Variants in CLPB observed in about 807,000 individuals in gnomAD.
CLPB encodes mitochondrial disaggregase.
CLPB carries 40 observed loss-of-function variants against 78.4 expected under a neutral mutation model. That is an observed-to-expected ratio of 0.51 (90% CI 0.40 to 0.66). The LOEUF (loss-of-function observed/expected upper bound fraction) is 0.66, where lower values mean the gene tolerates loss of function less well. CLPB is among the 30% of genes least tolerant of loss of function. The pLI, the probability that CLPB is intolerant of heterozygous loss-of-function variation, is 0.00. For missense variants in CLPB, 780 were observed against 886.9 expected, an observed-to-expected ratio of 0.88 and a Z score of 1.53; for synonymous variants, 333 against 348.0, an observed-to-expected ratio of 0.96 and a Z score of 0.48.
chr11:72,345,033 C>G (rs961467225), intron 5 of CLPB, among the ~76,000 whole-genome samples: 8 of 152,218 alleles, frequency 5.3e-5, no homozygotes, highest in African/African-American at 1.9e-4. Context: ...ACAATACACT[C>G]TGTTGGAGAG....
At chr11:72,384,893 T>C (rs1441919092) in intron 3 of CLPB, among the ~76,000 whole-genome samples, 1 of 152,092 alleles carries the variant, frequency 6.6e-6, no homozygotes, top group East Asian at 1.9e-4. Context: ...CCTAGATATA[T>C]AAAGCAACTA....
At chr11:72,323,543 G>A (rs1169454165) in intron 6 of CLPB, among the ~76,000 whole-genome samples, 1 of 148,070 alleles carries the variant, frequency 6.8e-6, no homozygotes. Context: ...CTCCAGCCTG[G>A]TGACAGAGCG....
rs526344 is a variant in CLPB, at chr11:72,292,723, C to A, written c.*644G>T. ...ACACTGGCCTAGTCCCCAAGGCTGA[C>A]GAAACATGGTCTGGCCTGACCCCAG... On this transcript the variant is annotated 3_prime_UTR_variant, in exon 16 of 16. Transcript: ENST00000538039. 0.59 allele frequency: 90,453 copies of A among 152,302 alleles called. 27,807 individuals carry two copies. The highest frequency in any genetic ancestry group is 0.77 in the African/African-American group (31,856 of 41,490). 9.4% of individuals were successfully genotyped at this position (152,302 alleles called of 1,614,324 possible).
intron 2 of CLPB, among the ~76,000 whole-genome samples, chr11:72,421,213 T>C (rs969109944): frequency 2.0e-5 from 3 of 152,200 alleles, no homozygotes; most frequent in African/African-American, 7.2e-5. Context: ...CTGGTATCCA[T>C]GGCAGGTGGG....
At position 72,434,508 on chromosome 11, in the gene CLPB, G is replaced by A. The variant is rs185663318; in HGVS notation, c.-34C>T. The A allele has an allele frequency of 3.0e-3, 4,594 of 1,516,106 alleles. 11 individuals are homozygous for A. Among genetic ancestry groups the A allele is most frequent in the Non-Finnish European group, 3.6e-3 (4,081 of 1,132,048 alleles). 93.9% of individuals were successfully genotyped at this position (1,516,106 alleles called of 1,614,324 possible). A position where few individuals can be genotyped will look rare whatever the true frequency, so the allele number is the denominator to read the frequency against. On this transcript the variant is annotated 5_prime_UTR_variant, in exon 1 of 16. Transcript: ENST00000538039. ...CTGCTTCGATAACCCCGTGGTGCCG[G>A]CCCCTGTGCTGACCACGTCCAACAT...
chr11:72,322,745 T>C (rs1303961932), intron 6 of CLPB, among the ~76,000 whole-genome samples: 1 of 152,126 alleles, frequency 6.6e-6, no homozygotes, highest in East Asian at 1.9e-4. Flanking sequence ...GGCTGCCAGG[T>C]TTCTTCACTA....
chr11:72,406,650 T>C (rs1855718119), intron 2 of CLPB, among the ~76,000 whole-genome samples: 1 of 152,216 alleles, frequency 6.6e-6, no homozygotes, highest in African/African-American at 2.4e-5. Context: ...GGTTGGCTAA[T>C]ACCCAGGGAT....
intron 2 of CLPB, among the ~76,000 whole-genome samples, chr11:72,422,895 A>G (rs1431050175): frequency 6.6e-6 from 1 of 152,242 alleles, no homozygotes; most frequent in Non-Finnish European, 1.5e-5. Context: ...ATCCTGGCAC[A>G]TGGACAGCAA....
Position 72,380,359 on chromosome 11 carries a change from C to T in CLPB, c.568G>A (p.Gly190Arg), listed in dbSNP as rs777520762. 1 of 1,614,146 alleles carries T rather than the reference C, an allele frequency of 6.2e-7. No individual in the cohort carries two copies. Among genetic ancestry groups the T allele is most frequent in the African/African-American group, 1.3e-5 (1 of 75,036 alleles). Residue 190 changes from glycine (G) to arginine (R), a missense_variant, in exon 4 of 16, where the codon GGG becomes AGG. Coordinates refer to ENST00000538039, the MANE Select transcript of CLPB (RefSeq NM_001258392.3). ...NSVVQVLLAAGADPNLGDDFS... is the reference protein window; with the variant it reads ...NSVVQVLLAARADPNLGDDFS... ...TCATCTCCAAGGTTTGGATCAGCCC[C>T]AGCAGCAAGCAGGACCTGTACCACA...
chr11:72,433,125 C>A (rs1856594965), intron 1 of CLPB, among the ~76,000 whole-genome samples: 1 of 152,140 alleles, frequency 6.6e-6, no homozygotes. Flanking sequence ...TGCCAACTAT[C>A]CCACATGGCA....
chr11:72,402,956 G>A lies in CLPB; in HGVS notation c.542+10C>T. Reference sequence around the variant, plus strand: ...CCTAAAGGAGCCCTGTGTGGAAGGTGGTCTCTCACCTGTTGTTTCGGTTGA... The same window carrying A: ...CCTAAAGGAGCCCTGTGTGGAAGGTAGTCTCTCACCTGTTGTTTCGGTTGA... On this transcript the variant is annotated intron_variant, in intron 3 of 15. Transcript: ENST00000538039. 1 of 1,612,690 alleles carries A rather than the reference G, an allele frequency of 6.2e-7. No individual in the cohort carries two copies. Among genetic ancestry groups the A allele is most frequent in the Non-Finnish European group, 8.5e-7 (1 of 1,178,856 alleles).
rs575438663 is a variant in CLPB at position 72,383,509 on chromosome 11, C to T, written c.543-3125G>A. On this transcript the variant is annotated intron_variant, in intron 3 of 15. Coordinates refer to ENST00000538039, the MANE Select transcript of CLPB (RefSeq NM_001258392.3). ...TCGCACCACTGCATTCCAGCCTGGG[C>T]GACAGAGCAAGACTCTGTCTCAAAA... Among the ~76,000 whole-genome samples, 13 of 139,146 alleles carry T rather than the reference C, an allele frequency of 9.3e-5. No homozygotes were observed. The East Asian group carries it at 1.2e-3, about 13-fold the overall frequency. The allele number at this position is 139,146 out of a possible 152,430, so 91.3% of individuals were successfully genotyped here.
intron 2 of CLPB, among the ~76,000 whole-genome samples, chr11:72,416,055 C>T (rs1318340779): frequency 6.6e-6 from 1 of 152,162 alleles, no homozygotes; most frequent in Non-Finnish European, 1.5e-5. Flanking sequence ...AGAGCTGGGA[C>T]CAAGTGAGGG....
intron 9 of CLPB, among the ~76,000 whole-genome samples, chr11:72,306,843 G>C (rs1383980726): frequency 1.3e-5 from 2 of 152,184 alleles, no homozygotes; most frequent in African/African-American, 2.4e-5. Context: ...TGGAGCAGGG[G>C]GAGTGTCTTA....
Position 72,359,309 on chromosome 11 carries a change from T to C in CLPB, c.647-301A>G, listed in dbSNP as rs560888399. On this transcript the variant is annotated intron_variant, in intron 4 of 15. Transcript: ENST00000538039. ...GAGGCAGACAATAACCAGATGTTTATAGAACTGTTTGAGATAAATGCTCTG... is the reference window on the plus strand; with the variant it reads ...GAGGCAGACAATAACCAGATGTTTACAGAACTGTTTGAGATAAATGCTCTG... 16 of 478,838 alleles carry C rather than the reference T, an allele frequency of 3.3e-5. No individual in the cohort carries two copies. The East Asian group carries it at 7.1e-4, about 21-fold the overall frequency. The allele number at this position is 478,838 out of a possible 1,614,324, so 29.7% of individuals were successfully genotyped here. A position where few individuals can be genotyped will look rare whatever the true frequency, so the allele number is the denominator to read the frequency against.
chr11:72,369,980 T>C (rs1474114594), intron 4 of CLPB, among the ~76,000 whole-genome samples: 1 of 152,138 alleles, frequency 6.6e-6, no homozygotes, highest in African/African-American at 2.4e-5. Flanking sequence ...CTGTAAAAAA[T>C]GTCTCAGTGA....
intron 2 of CLPB, among the ~76,000 whole-genome samples, chr11:72,421,028 G>A (rs906595022): frequency 2.6e-5 from 4 of 152,078 alleles, no homozygotes; most frequent in Non-Finnish European, 5.9e-5. Context: ...GTGTGGTGGC[G>A]CATGCCTGTA....
intron 2 of CLPB, among the ~76,000 whole-genome samples, chr11:72,410,413 T>C (rs1855841791): frequency 6.6e-6 from 1 of 152,114 alleles, no homozygotes; most frequent in Non-Finnish European, 1.5e-5. Flanking sequence ...AACCCTACTA[T>C]ATATGTCACA....
Position 72,293,461 on chromosome 11 carries a change from T to A in CLPB, c.1940A>T (p.Lys647Met). ...CTTGTCGATGATCTCCAGACGCAGC[T>A]TGGGGAGGCGCTTCTCAGCCTGGGG... ...PSPQAEKRLP[K>M]LRLEIIDKDS... Residue 647 changes from lysine (K) to methionine (M), a missense_variant, in exon 16 of 16, where the codon AAG (lysine) becomes ATG (methionine). Around this residue, in one of 3 missense-constraint regions of CLPB, gnomAD observed 272 missense variants for 304.0 expected, o/e 0.89. Coordinates refer to ENST00000538039, the MANE Select transcript of CLPB (RefSeq NM_001258392.3). 1.2e-6 allele frequency: 2 copies of A among 1,614,144 alleles called. No homozygotes were observed. Among genetic ancestry groups the A allele is most frequent in the Non-Finnish European group, 1.7e-6 (2 of 1,180,022 alleles).
Sources: allele counts gnomAD v4.1 joint callset (sites outside exome capture counted in the v4.1 genomes callset), GRCh38; gene constraint gnomAD v4.1.1; regional missense constraint gnomAD v4.1.1; transcripts MANE v1.5; gene names NCBI Gene and HGNC (gene_info 2026-07-23, HGNC 2026-07-21).